TANC1: variants seen among roughly 807,000 people sequenced by gnomAD.
TANC1 encodes the protein tetratricopeptide repeat, ankyrin repeat and coiled-coil containing 1.
Under a neutral mutation model 149.7 loss-of-function variants are expected in TANC1, and 77 were observed. The ratio of observed to expected loss-of-function variants is 0.51; its 90% CI spans 0.43 to 0.62. TANC1 has a LOEUF of 0.62. TANC1 is among the 20% of genes least tolerant of loss of function. The pLI is 0.00. For missense variants in TANC1, 1,985 were observed against 2,321.8 expected (o/e 0.85, Z 2.98); for synonymous variants, 854 against 925.0 (o/e 0.92, Z 1.39).
At chr2:158,995,703 G>T (rs1418456971) in intron 1 of TANC1, among the ~76,000 whole-genome samples, 3 of 152,138 alleles carry the variant, frequency 2.0e-5, no homozygotes, top group Non-Finnish European at 4.4e-5. Context: ...AATCTTTCCT[G>T]TTCTTTAAAC....
chr2:159,188,266 T>A (rs963817576), intron 16 of TANC1, among the ~76,000 whole-genome samples: 6 of 152,264 alleles, frequency 3.9e-5, no homozygotes, highest in Non-Finnish European at 5.9e-5. Flanking sequence ...GTGTATTAAA[T>A]GTTGTCATAC....
At chr2:159,227,527 A>G (rs1280693224) in intron 24 of TANC1, 1 of 372,316 alleles carries the variant, frequency 2.7e-6, no homozygotes, top group Non-Finnish European at 4.8e-6. Flanking sequence ...AGGTAATCTG[A>G]TTCATTAAGT....
At chr2:159,193,972 C>T (rs1214539122) in intron 16 of TANC1, among the ~76,000 whole-genome samples, 1 of 152,166 alleles carries the variant, frequency 6.6e-6, no homozygotes, top group Non-Finnish European at 1.5e-5. Flanking sequence ...AATCCTCCCA[C>T]CTCAGCTTCC....
intron 19 of TANC1, among the ~76,000 whole-genome samples, chr2:159,215,871 C>T (rs1435544418): frequency 6.6e-6 from 1 of 152,084 alleles, no homozygotes; most frequent in African/African-American, 2.4e-5. Flanking sequence ...ATGTAGTGTT[C>T]TGCTGATTGA....
At chr2:158,974,580 GTGCCACCACGCC>G (rs958977269) in intron 1 of TANC1, among the ~76,000 whole-genome samples, 2 of 152,112 alleles carry the variant, frequency 1.3e-5, no homozygotes, top group African/African-American at 4.8e-5. Flanking sequence ...TTACAGGCAT[GTGCCACCACGCC>G]TGGCTAATTT....
chr2:159,042,482 G>C (rs2040722748), intron 2 of TANC1, among the ~76,000 whole-genome samples: 1 of 152,226 alleles, frequency 6.6e-6, no homozygotes, highest in South Asian at 2.1e-4. Flanking sequence ...CAATGAGCAA[G>C]CGTGCATGGA....
chr2:159,228,544 G>T, intron 25 of TANC1: 1 of 467,924 alleles, frequency 2.1e-6, no homozygotes, highest in Non-Finnish European at 3.8e-6. Context: ...CCACCGGGCT[G>T]TGAGGTTCCA....
intron 4 of TANC1, among the ~76,000 whole-genome samples, chr2:159,133,716 T>C (rs1467539695): frequency 3.3e-5 from 5 of 152,206 alleles, no homozygotes; most frequent in African/African-American, 1.2e-4. Flanking sequence ...TAGATTGCAA[T>C]TGTGTGTCCC....
At chr2:159,209,666 GT>G (rs2058856539) in intron 19 of TANC1, among the ~76,000 whole-genome samples, 1 of 152,008 alleles carries the variant, frequency 6.6e-6, no homozygotes, top group Non-Finnish European at 1.5e-5. Context: ...CATTCCCAGA[GT>G]TTAAAAAAAA....
intron 5 of TANC1, chr2:159,148,595 A>AT (rs1388389836): frequency 3.3e-5 from 5 of 152,262 alleles, no homozygotes; most frequent in Admixed American, 2.6e-4. Flanking sequence ...ATTGACCGTC[A>AT]AGTTGAAATC....
chr2:159,085,520 A>G (rs2044745884), intron 3 of TANC1, among the ~76,000 whole-genome samples: 1 of 152,170 alleles, frequency 6.6e-6, no homozygotes, highest in Admixed American at 6.5e-5. Context: ...GCATTGCTAT[A>G]AAGGAATACC....
At chr2:159,217,168 T>G (rs956073583) in intron 19 of TANC1, among the ~76,000 whole-genome samples, 3 of 152,086 alleles carry the variant, frequency 2.0e-5, no homozygotes, top group African/African-American at 7.2e-5. Context: ...CATCTGGAAC[T>G]GGCAGCCATG....
chr2:159,127,624 A>G (rs2049598672), intron 4 of TANC1, among the ~76,000 whole-genome samples: 1 of 152,282 alleles, frequency 6.6e-6, no homozygotes, highest in Non-Finnish European at 1.5e-5. Flanking sequence ...TGCAGCCACA[A>G]AAAGGAACAA....
At chr2:159,105,052 T>C (rs2047038582) in intron 4 of TANC1, among the ~76,000 whole-genome samples, 1 of 115,308 alleles carries the variant, frequency 8.7e-6, no homozygotes, top group South Asian at 3.3e-4. Context: ...TGGAGTGCAG[T>C]GGTGTGATCT....
At chr2:159,204,788 G>C (rs1489308455) in intron 19 of TANC1, among the ~76,000 whole-genome samples, 1 of 152,234 alleles carries the variant, frequency 6.6e-6, no homozygotes, top group African/African-American at 2.4e-5. Flanking sequence ...ACTTTCTAAA[G>C]GAGTTTAGTC....
rs999388132 is a variant in TANC1, at chr2:159,194,133, G to T, written c.2743-124G>T. ...GTTAATATATTCCCAGGTGATACTG[G>T]TGCACATTCAAGTTTGAGAACCACT... is the stretch of plus-strand genomic sequence containing the variant. On this transcript the variant is annotated intron_variant, in intron 16 of 26. Coordinates refer to ENST00000263635, the MANE Select transcript of TANC1 (RefSeq NM_033394.3). The T allele has an allele frequency of 2.2e-5, 16 of 739,644 alleles. No homozygotes were observed. In the African/African-American group the frequency reaches 2.6e-4, roughly 12 times the overall value. The allele number at this position is 739,644 out of a possible 1,614,324, so 45.8% of individuals were successfully genotyped here.
At chr2:159,139,639 C>CT in intron 5 of TANC1, among the ~76,000 whole-genome samples, 1 of 152,308 alleles carries the variant, frequency 6.6e-6, no homozygotes, top group African/African-American at 2.4e-5. Flanking sequence ...TGAGGAGGGG[C>CT]TAGAAAGTTT....
chr2:159,017,669 A>G (rs2038411127), intron 2 of TANC1, among the ~76,000 whole-genome samples: 1 of 150,262 alleles, frequency 6.7e-6, no homozygotes, highest in Admixed American at 6.7e-5. Flanking sequence ...CTTGCAGATG[A>G]GCAGTCTGGG....
chr2:159,218,803 C>T (rs528373498), intron 20 of TANC1, among the ~76,000 whole-genome samples: 3 of 152,274 alleles, frequency 2.0e-5, no homozygotes, highest in South Asian at 2.1e-4. Flanking sequence ...GTGTGGTGGG[C>T]GAGCTTCTTT....
Sources: gnomAD v4.1 joint callset for allele counts (sites outside exome capture counted in the v4.1 genomes callset) on GRCh38, gnomAD v4.1.1 for gene constraint, MANE v1.5 for transcripts, NCBI Gene and HGNC (gene_info 2026-07-23, HGNC 2026-07-21) for gene names.